WDR70: variants seen among roughly 807,000 people sequenced by gnomAD.
WDR70 encodes WD repeat-containing protein 70.
A neutral mutation model predicts 88.6 loss-of-function variants in WDR70; 53 were observed. That is an observed-to-expected ratio of 0.60 (90% confidence interval 0.48 to 0.75). The LOEUF (loss-of-function observed/expected upper bound fraction) is 0.75. Among genes scored for constraint, WDR70 ranks in the 30% least tolerant of loss-of-function variants. WDR70 has a pLI of 0.00. For missense variants in WDR70, 610 were observed against 823.2 expected (o/e 0.74, Z 3.17); for synonymous variants, 280 against 270.0 (o/e 1.04, Z -0.36).
At chr5:37,524,505 G>A (rs961803581) in intron 9 of WDR70, among the ~76,000 whole-genome samples, 6 of 152,202 alleles carry the variant, frequency 3.9e-5, no homozygotes, top group East Asian at 3.9e-4. Context: ...ATAAACAACC[G>A]CTACCAGCCA....
chr5:37,493,296 C>G (rs140750131), intron 8 of WDR70, among the ~76,000 whole-genome samples: 1 of 152,304 alleles, frequency 6.6e-6, no homozygotes, highest in Non-Finnish European at 1.5e-5. Context: ...GTCAGTAAGA[C>G]TGCACGCTAC....
chr5:37,509,296 T>C (rs759047501), intron 8 of WDR70, among the ~76,000 whole-genome samples: 16 of 152,198 alleles, frequency 1.1e-4, no homozygotes, highest in Non-Finnish European at 1.8e-4. Flanking sequence ...TCAGATGTTA[T>C]ATTTTCATTT....
At chr5:37,541,819 G>T (rs1741824995) in intron 9 of WDR70, among the ~76,000 whole-genome samples, 1 of 152,176 alleles carries the variant, frequency 6.6e-6, no homozygotes, top group East Asian at 1.9e-4. Context: ...GTAGAAGTAA[G>T]AACCAGAGAC....
rs948184319 is a variant in WDR70, at chr5:37,496,221, A to C, written c.840+16234A>C. Reference sequence around the variant, plus strand: ...TGTGGGCAGGGCCAAATAAGGGAATAAAGCTGGCCACCCCAGCCAGCTGCC... The same window carrying C: ...TGTGGGCAGGGCCAAATAAGGGAATCAAGCTGGCCACCCCAGCCAGCTGCC... On this transcript the variant is annotated intron_variant, in intron 8 of 17. Coordinates refer to ENST00000265107, the MANE Select transcript of WDR70 (RefSeq NM_018034.4). Among the ~76,000 whole-genome samples the C allele has an allele frequency of 2.0e-5, 3 of 152,224 alleles. No homozygotes were observed. In the South Asian group the frequency reaches 6.2e-4, roughly 32 times the overall value.
chr5:37,407,017 A>G (rs978117128), intron 5 of WDR70, among the ~76,000 whole-genome samples: 2 of 152,234 alleles, frequency 1.3e-5, no homozygotes, highest in African/African-American at 4.8e-5. Context: ...TGTTCAGTTT[A>G]AAGTGTTAAA....
rs567482219 is a variant in WDR70 at position 37,654,908 on chromosome 5, C to G, written c.1093-42747C>G. On this transcript the variant is annotated intron_variant, in intron 10 of 17. Transcript: ENST00000265107. The stretch of plus-strand genomic sequence containing the variant: ...GGTCTTGACTATTTATCCAATTTGC[C>G]AGTCTGTGTCTTTTAATTGGGGCAT... Among the ~76,000 whole-genome samples the G allele has an allele frequency of 4.6e-5, 7 of 152,278 alleles. No individual in the cohort carries two copies. The East Asian group carries it at 1.4e-3, about 29-fold the overall frequency.
intron 10 of WDR70, among the ~76,000 whole-genome samples, chr5:37,655,047 G>A (rs557333443): frequency 2.0e-4 from 30 of 152,246 alleles, no homozygotes; most frequent in African/African-American, 6.7e-4. Context: ...GGTTTTGATG[G>A]TCTTTACAAT....
chr5:37,676,179 A>C (rs1561064217), intron 10 of WDR70, among the ~76,000 whole-genome samples: 1 of 151,444 alleles, frequency 6.6e-6, no homozygotes, highest in Non-Finnish European at 1.5e-5. Context: ...GTCATCTGCA[A>C]ACAGGGACAA....
chr5:37,443,133 C>G, intron 6 of WDR70, 106 bp from the exon 7 acceptor site: 1 of 1,268,494 alleles, frequency 7.9e-7, no homozygotes, highest in Non-Finnish European at 1.1e-6. Flanking sequence ...TTTGTACTTC[C>G]AAGTCCTATA....
intron 10 of WDR70, among the ~76,000 whole-genome samples, chr5:37,667,825 A>T (rs539690948): frequency 7.7e-6 from 1 of 130,388 alleles, no homozygotes; most frequent in African/African-American, 3.0e-5. Flanking sequence ...AGTTCAATCC[A>T]TGCTAGTCTG....
intron 10 of WDR70, among the ~76,000 whole-genome samples, chr5:37,644,473 T>C (rs1745182957): frequency 6.6e-6 from 1 of 152,068 alleles, no homozygotes; most frequent in African/African-American, 2.4e-5. Flanking sequence ...TTAGTTTTGG[T>C]ATCAGGGTAA....
At chr5:37,612,499 T>C in intron 10 of WDR70, among the ~76,000 whole-genome samples, 1 of 152,142 alleles carries the variant, frequency 6.6e-6, no homozygotes, top group Middle Eastern at 3.2e-3. Flanking sequence ...TTGTATTAGG[T>C]AATATATATA....
intron 7 of WDR70, among the ~76,000 whole-genome samples, chr5:37,457,467 G>A (rs1474990085): frequency 6.6e-6 from 1 of 152,130 alleles, no homozygotes; most frequent in Non-Finnish European, 1.5e-5. Context: ...TATCAGGCAT[G>A]GTGGGAGTGT....
chr5:37,708,116 TAAAG>T (rs1326691760), intron 13 of WDR70, among the ~76,000 whole-genome samples: 3 of 150,026 alleles, frequency 2.0e-5, no homozygotes, highest in Non-Finnish European at 4.4e-5. Flanking sequence ...TTTTAAATAG[TAAAG>T]AACAAGGATT....
chr5:37,406,987 CTG>C (rs1164711583), intron 5 of WDR70, among the ~76,000 whole-genome samples: 2 of 152,060 alleles, frequency 1.3e-5, no homozygotes, highest in African/African-American at 2.4e-5. Flanking sequence ...CTAACGAAAA[CTG>C]TTAGATTCAT....
At chr5:37,560,354 A>G (rs541699452) in intron 9 of WDR70, among the ~76,000 whole-genome samples, 12 of 152,206 alleles carry the variant, frequency 7.9e-5, no homozygotes, top group East Asian at 5.8e-4. Context: ...CTGTTGGTCC[A>G]TATGTTTTCT....
chr5:37,717,766 C>T (rs74510889), intron 13 of WDR70, among the ~76,000 whole-genome samples: 9,085 of 152,274 alleles, frequency 0.06, 345 homozygotes, highest in South Asian at 0.15. Flanking sequence ...AGCCAGCTCT[C>T]TGCTATAAGA....
intron 10 of WDR70, among the ~76,000 whole-genome samples, chr5:37,646,227 A>C (rs539082293): frequency 6.6e-6 from 1 of 152,108 alleles, no homozygotes; most frequent in African/African-American, 2.4e-5. Context: ...TGATCTCATA[A>C]ATAAACTAAA....
chr5:37,434,835 A>C (rs1393625253), intron 5 of WDR70, among the ~76,000 whole-genome samples: 1 of 152,236 alleles, frequency 6.6e-6, no homozygotes, highest in Non-Finnish European at 1.5e-5. Flanking sequence ...AAATTACTTC[A>C]TCGAAGTCAA....
Sources: gnomAD v4.1 joint callset for allele counts (sites outside exome capture counted in the v4.1 genomes callset) on GRCh38, gnomAD v4.1.1 for gene constraint, MANE v1.5 for transcripts, NCBI Gene and HGNC (gene_info 2026-07-23, HGNC 2026-07-21) for gene names.